The following CHD9 variants were observed in gnomAD, a reference collection of about 807,000 sequenced individuals.
CHD9 encodes the protein ATP-dependent chromatin remodeler CHD9.
Under a neutral mutation model 316.1 loss-of-function variants are expected in CHD9, and 77 were observed. The ratio of observed to expected loss-of-function variants is 0.24; its 90% CI spans 0.20 to 0.29. The LOEUF is 0.29. Ranked by LOEUF, CHD9 falls within the 10% of genes least tolerant of loss-of-function variation. CHD9 has a pLI of 1.00. For missense variants in CHD9, 2,763 were observed against 3,438.1 expected, an observed-to-expected ratio of 0.80 and a Z score of 4.91; for synonymous variants, 1,129 against 1,158.3, an observed-to-expected ratio of 0.97 and a Z score of 0.51.
chr16:53,164,531 A>G (rs2042139013), intron 2 of CHD9, among the ~76,000 whole-genome samples: 1 of 152,002 alleles, frequency 6.6e-6, no homozygotes, highest in Non-Finnish European at 1.5e-5. Flanking sequence ...GTGAGCCAGG[A>G]TTGTGCCACT....
chr16:53,126,614 G>A (rs2038978714), intron 1 of CHD9, among the ~76,000 whole-genome samples: 1 of 136,784 alleles, frequency 7.3e-6, no homozygotes, highest in Non-Finnish European at 1.6e-5. Context: ...TTGAGATAGG[G>A]TTTCTCTCTC....
Position 53,324,654 on chromosome 16 carries a change from C to T in CHD9, c.8453C>T (p.Thr2818Ile). 1 of 1,613,790 alleles carries T rather than the reference C, an allele frequency of 6.2e-7. No individual in the cohort carries two copies. The highest frequency in any genetic ancestry group is 2.2e-5 in the East Asian group (1 of 44,874). ...CCAGGCCTTAATCTTCATATTCCAA[C>T]TTTGTCCCAGTCCAATACTTTTGAT... ...LTPGLNLHIP[T>I]LSQSNTFDVQ... Residue 2818 changes from threonine to isoleucine, a missense_variant, in exon 39 of 39, where the codon ACT (threonine) becomes ATT (isoleucine). Physicochemically the swap from Thr to Ile is moderately conservative, Grantham distance 89 (BLOSUM62 -1). This residue lies in a region of CHD9 where 298 missense variants were observed against 380.2 expected (regional missense o/e 0.78). Transcript: ENST00000447540.
rs371849030 is a variant in CHD9, at chr16:53,304,341, T to G, written c.6335T>G (p.Leu2112Arg). Residue 2112 changes from leucine to arginine, a missense_variant, in exon 31 of 39, where the codon CTA becomes CGA. Coordinates refer to ENST00000447540, the MANE Select transcript of CHD9 (RefSeq NM_001308319.2). Reference protein sequence around the residue: ...RRMVAARTEPLTPNPASKKPR... With the variant: ...RRMVAARTEPRTPNPASKKPR... ...ATGGTTGCAGCCAGAACAGAACCCC[T>G]AACTCCAAACCCAGCTTCTAAGAAA... The G allele has an allele frequency of 7.0e-4, 1,122 of 1,613,000 alleles. 17 individuals carry two copies. In the South Asian group the frequency reaches 0.011, roughly 16 times the overall value.
At position 53,285,584 on chromosome 16, in the gene CHD9, A is replaced by AT. The variant is rs774107861; in HGVS notation, c.4968-5dup. On this transcript the variant is annotated splice_polypyrimidine_tract_variant and intron_variant, in intron 24 of 38. Coordinates refer to ENST00000447540, the MANE Select transcript of CHD9 (RefSeq NM_001308319.2). ...TAATAATTCATAATGCCATATTATGATTTTTTTAAAGTGACATTGATGTTT... is the reference window on the plus strand; with the variant it reads ...TAATAATTCATAATGCCATATTATGATTTTTTTTAAAGTGACATTGATGTTT... 1.0e-5 allele frequency: 16 copies of AT among 1,549,330 alleles called. No individual in the cohort carries two copies. The Admixed American group carries it at 1.3e-4, about 13-fold the overall frequency.
intron 1 of CHD9, among the ~76,000 whole-genome samples, chr16:53,082,442 T>C (rs2035111608): frequency 6.6e-6 from 1 of 152,162 alleles, no homozygotes; most frequent in Non-Finnish European, 1.5e-5. Context: ...GGTTTCATCA[T>C]GTTGCCCAGT....
At chr16:53,166,790 C>T (rs967011689) in intron 2 of CHD9, among the ~76,000 whole-genome samples, 2 of 152,092 alleles carry the variant, frequency 1.3e-5, no homozygotes, top group Admixed American at 1.3e-4. Context: ...ATACTTTGCA[C>T]ATTTACTATG....
At position 53,296,586 on chromosome 16, in the gene CHD9, G is replaced by A. The variant is rs938117444; in HGVS notation, c.5511-370G>A. ...CTCCTGAGCAGCTGGGACTACAGGC[G>A]CCCGCCACCATGCCCAGCTAATTTT... On this transcript the variant is annotated intron_variant, in intron 29 of 38. Coordinates refer to ENST00000447540, the MANE Select transcript of CHD9 (RefSeq NM_001308319.2). Among the ~76,000 whole-genome samples the A allele has an allele frequency of 2.6e-5, 4 of 151,678 alleles. No individual in the cohort carries two copies. The South Asian group carries it at 8.3e-4, about 32-fold the overall frequency.
rs530552464 is a variant in CHD9, at chr16:53,204,023, CAAAAAAAAAAA to C, written c.1453-5443_1453-5433del. Among the ~76,000 whole-genome samples the C allele has an allele frequency of 5.4e-3, 260 of 48,348 alleles. 3 individuals carry two copies. Among genetic ancestry groups the C allele is most frequent in the Admixed American group, 0.014 (41 of 2,958 alleles). The allele number at this position is 48,348 out of a possible 152,430, so 31.7% of individuals were successfully genotyped here. The stretch of plus-strand genomic sequence containing the variant: ...TGGGCGACAGAGCAAGACTCCATCT[CAAAAAAAAAAA>C]AAAAAAAAAAAAAAATATATATATA... On this transcript the variant is annotated intron_variant, in intron 2 of 38. Transcript: ENST00000447540.
At chr16:53,106,932 C>T (rs1045883575) in intron 1 of CHD9, among the ~76,000 whole-genome samples, 1 of 152,120 alleles carries the variant, frequency 6.6e-6, no homozygotes, top group African/African-American at 2.4e-5. Context: ...ACAAGAAAAT[C>T]ATTTTTAAAA....
At chr16:53,252,010 C>G (rs139242931) in intron 17 of CHD9, among the ~76,000 whole-genome samples, 14 of 152,202 alleles carry the variant, frequency 9.2e-5, no homozygotes, top group African/African-American at 2.9e-4. Flanking sequence ...CAATCCCCAT[C>G]AAAATACCAC....
At position 53,303,919 on chromosome 16, in the gene CHD9, T is replaced by A; in HGVS notation, c.5913T>A (p.Leu1971=). ...WECGPHDRDL[L]IGAAKHGVSR... ...GTGGCCCTCATGATAGGGATTTGCT[T>A]ATTGGTGCTGCCAAACACGGGGTGA... Residue 1971 remains leucine, a synonymous_variant, in exon 31 of 39, where the codon CTT becomes CTA. Transcript: ENST00000447540. 3 of 1,613,992 alleles carry A rather than the reference T, an allele frequency of 1.9e-6. No homozygotes were observed. The highest frequency in any genetic ancestry group is 2.5e-6 in the Non-Finnish European group (3 of 1,179,882).
intron 2 of CHD9, among the ~76,000 whole-genome samples, chr16:53,182,098 G>A (rs533174967): frequency 1.3e-5 from 2 of 152,268 alleles, no homozygotes; most frequent in South Asian, 4.1e-4. Context: ...TACTATGCAT[G>A]ATTAATTAAG....
At chr16:53,189,425 A>C (rs925934781) in intron 2 of CHD9, among the ~76,000 whole-genome samples, 1 of 151,692 alleles carries the variant, frequency 6.6e-6, no homozygotes, top group African/African-American at 2.4e-5. Flanking sequence ...TTTAGTTTTT[A>C]TTTGTGATCA....
intron 3 of CHD9, among the ~76,000 whole-genome samples, chr16:53,221,055 T>C (rs2047193347): frequency 6.6e-6 from 1 of 152,240 alleles, no homozygotes; most frequent in Admixed American, 6.5e-5. Flanking sequence ...CTAACTATGA[T>C]ACTTTAAGGT....
chr16:53,189,806 A>T (rs961505498), intron 2 of CHD9, among the ~76,000 whole-genome samples: 2 of 152,256 alleles, frequency 1.3e-5, no homozygotes, highest in Middle Eastern at 3.4e-3. Flanking sequence ...TTACAGGATG[A>T]TAGCGGAGGT....
intron 1 of CHD9, among the ~76,000 whole-genome samples, chr16:53,113,470 G>A (rs1335905962): frequency 2.8e-5 from 4 of 143,916 alleles, no homozygotes; most frequent in South Asian, 2.3e-4. Flanking sequence ...ATGCTACCAC[G>A]CCCAGCTAAT....
At chr16:53,215,193 G>C (rs1247327295) in intron 3 of CHD9, among the ~76,000 whole-genome samples, 1 of 152,178 alleles carries the variant, frequency 6.6e-6, no homozygotes, top group Non-Finnish European at 1.5e-5. Context: ...TGGGATTACA[G>C]GCATAAGCCA....
chr16:53,319,230 T>C (rs186938303), intron 37 of CHD9, among the ~76,000 whole-genome samples: 89 of 152,322 alleles, frequency 5.8e-4, no homozygotes, highest in Non-Finnish European at 3.4e-4. Flanking sequence ...TCAGTGTAAG[T>C]ACATCACATT....
At chr16:53,115,743 G>A (rs988302628) in intron 1 of CHD9, among the ~76,000 whole-genome samples, 1 of 152,312 alleles carries the variant, frequency 6.6e-6, no homozygotes, top group Admixed American at 6.5e-5. Context: ...ACCTGCTTAT[G>A]CCTTAAGATG....
Sources: allele counts gnomAD v4.1 joint callset (sites outside exome capture counted in the v4.1 genomes callset), GRCh38; gene constraint gnomAD v4.1.1; regional missense constraint gnomAD v4.1.1; transcripts MANE v1.5; gene names NCBI Gene and HGNC (gene_info 2026-07-23, HGNC 2026-07-21).